The following SLC39A11 variants were observed in gnomAD, a reference collection of about 807,000 sequenced individuals.
SLC39A11 encodes the protein zinc transporter ZIP11.
SLC39A11 carries 33 observed loss-of-function variants against 36.1 expected under a neutral mutation model. The observed-to-expected ratio is 0.91, with a 90% confidence interval of 0.69 to 1.22. The LOEUF is 1.22. Among genes scored for constraint, SLC39A11 ranks in the 50% most tolerant of loss-of-function variants. The probability of loss-of-function intolerance (pLI) is 0.00; values close to 1 mark genes in which losing one functional copy is unlikely to be tolerated. For missense variants in SLC39A11, 432 were observed against 430.3 expected (o/e 1.00, Z -0.03); for synonymous variants, 166 against 170.3 (o/e 0.97, Z 0.20).
intron 5 of SLC39A11, among the ~76,000 whole-genome samples, chr17:72,919,545 G>A (rs904582657): frequency 2.6e-5 from 4 of 151,764 alleles, no homozygotes; most frequent in Non-Finnish European, 4.4e-5. Context: ...GGTGGCGGGC[G>A]CCTGTAGTCC....
chr17:73,057,142 T>C (rs115723920), intron 3 of SLC39A11, among the ~76,000 whole-genome samples: 5 of 152,208 alleles, frequency 3.3e-5, no homozygotes, highest in African/African-American at 1.2e-4. Flanking sequence ...TGTATATACA[T>C]GTATATCAAG....
chr17:72,828,878 A>T (rs973995588), intron 6 of SLC39A11, among the ~76,000 whole-genome samples: 9 of 152,172 alleles, frequency 5.9e-5, no homozygotes, highest in Admixed American at 2.0e-4. Flanking sequence ...GATGAAACTC[A>T]CAGGAGTCAA....
intron 4 of SLC39A11, among the ~76,000 whole-genome samples, chr17:72,966,736 A>AT (rs1387065537): frequency 6.6e-6 from 1 of 151,578 alleles, no homozygotes; most frequent in Non-Finnish European, 1.5e-5. Flanking sequence ...CGCCCAGCTA[A>AT]TTTTTTGTAT....
chr17:72,720,911 G>A (rs1178906765), intron 7 of SLC39A11, among the ~76,000 whole-genome samples: 1 of 151,918 alleles, frequency 6.6e-6, no homozygotes, highest in African/African-American at 2.4e-5. Flanking sequence ...GAGGTATGAG[G>A]GGGTCTGCAG....
At chr17:72,914,556 T>C (rs72850906) in intron 5 of SLC39A11, among the ~76,000 whole-genome samples, 21,659 of 151,984 alleles carry the variant, frequency 0.14, 1,861 homozygotes, top group Non-Finnish European at 0.2. Context: ...CTGGAACTAA[T>C]ACCCCATAGG....
intron 6 of SLC39A11, among the ~76,000 whole-genome samples, chr17:72,828,407 A>G (rs1360386555): frequency 6.6e-6 from 1 of 152,252 alleles, no homozygotes; most frequent in Non-Finnish European, 1.5e-5. Flanking sequence ...AGCCATGGGA[A>G]GTCGGAAAAG....
chr17:72,846,251 A>C (rs964253754), intron 6 of SLC39A11, among the ~76,000 whole-genome samples: 2 of 152,008 alleles, frequency 1.3e-5, no homozygotes, highest in Non-Finnish European at 2.9e-5. Flanking sequence ...GCTGGTCTCA[A>C]ACTCCTGACC....
chr17:72,922,989 A>AAAC lies in SLC39A11; in HGVS notation c.430+24762_430+24763insGTT, dbSNP rs2083780927. On this transcript the variant is annotated intron_variant, in intron 5 of 9. Transcript: ENST00000255559. Reference sequence around the variant, plus strand: ...AAAAAAAAAAAAAAAAAAAAAAAAAAACACACAGAAAATACGAAACCCCCT... The same window carrying AAAC: ...AAAAAAAAAAAAAAAAAAAAAAAAAAAACACACACAGAAAATACGAAACCCCCT... 4.8e-5 allele frequency among the ~76,000 whole-genome samples: 7 copies of AAAC among 144,570 alleles called. No homozygotes were observed. In the East Asian group the frequency reaches 6.0e-4, roughly 12 times the overall value. 94.8% of individuals were successfully genotyped at this position (144,570 alleles called of 152,430 possible).
intron 5 of SLC39A11, among the ~76,000 whole-genome samples, chr17:72,945,478 A>C (rs1308638611): frequency 6.6e-6 from 1 of 152,208 alleles, no homozygotes; most frequent in African/African-American, 2.4e-5. Flanking sequence ...ATCTGCATGA[A>C]GCCAGTTATC....
intron 7 of SLC39A11, among the ~76,000 whole-genome samples, chr17:72,669,936 G>A (rs1037930131): frequency 4.9e-5 from 7 of 143,410 alleles, no homozygotes; most frequent in Non-Finnish European, 7.6e-5. Flanking sequence ...ACATATATAC[G>A]TATAGATGTA....
chr17:72,797,278 C>G (rs1422475972), intron 6 of SLC39A11, among the ~76,000 whole-genome samples: 1 of 152,048 alleles, frequency 6.6e-6, no homozygotes, highest in Non-Finnish European at 1.5e-5. Context: ...GGAATGCCAA[C>G]CCATCTATTC....
At chr17:72,951,829 A>G (rs910818823) in intron 4 of SLC39A11, among the ~76,000 whole-genome samples, 3 of 152,134 alleles carry the variant, frequency 2.0e-5, no homozygotes, top group Non-Finnish European at 4.4e-5. Flanking sequence ...TTGTGGGAAG[A>G]TGGTATTTGT....
chr17:72,855,762 T>A (rs186906947), intron 5 of SLC39A11, among the ~76,000 whole-genome samples: 4 of 152,012 alleles, frequency 2.6e-5, no homozygotes, highest in Admixed American at 2.6e-4. Flanking sequence ...CCAGGCGTGG[T>A]GGCGGGCACC....
intron 4 of SLC39A11, among the ~76,000 whole-genome samples, chr17:72,959,323 G>GTACA (rs766454318): frequency 1.2e-5 from 1 of 81,474 alleles, no homozygotes; most frequent in Non-Finnish European, 2.4e-5. Flanking sequence ...GTGTGTGTGT[G>GTACA]TGTATATATA....
At chr17:72,828,894 G>A (rs183257656) in intron 6 of SLC39A11, among the ~76,000 whole-genome samples, 4 of 152,288 alleles carry the variant, frequency 2.6e-5, no homozygotes, top group East Asian at 1.9e-4. Context: ...GTCAAGCATC[G>A]GAGAGTAGTG....
chr17:72,787,425 T>C (rs1044773091), intron 6 of SLC39A11, among the ~76,000 whole-genome samples: 1 of 151,738 alleles, frequency 6.6e-6, no homozygotes, highest in African/African-American at 2.4e-5. Flanking sequence ...GCCCGGCTAA[T>C]TTTTCGTATT....
intron 5 of SLC39A11, among the ~76,000 whole-genome samples, chr17:72,929,637 G>A (rs1165732674): frequency 6.6e-6 from 1 of 152,146 alleles, no homozygotes. Context: ...GATTAAGGGT[G>A]CAAATTTTTT....
intron 6 of SLC39A11, among the ~76,000 whole-genome samples, chr17:72,826,497 T>C (rs971484591): frequency 1.3e-5 from 2 of 152,226 alleles, no homozygotes; most frequent in Admixed American, 6.5e-5. Context: ...TCTAAGCTAA[T>C]TGGAACTATA....
chr17:73,011,640 G>C (rs1040463824), intron 4 of SLC39A11, among the ~76,000 whole-genome samples: 1 of 148,638 alleles, frequency 6.7e-6, no homozygotes, highest in African/African-American at 2.4e-5. Context: ...TAATTTAATT[G>C]TACCTCTGGT....
Sources: gnomAD v4.1 joint callset for allele counts (sites outside exome capture counted in the v4.1 genomes callset) on GRCh38, gnomAD v4.1.1 for gene constraint, MANE v1.5 for transcripts, NCBI Gene and HGNC (gene_info 2026-07-23, HGNC 2026-07-21) for gene names.